DENND1A: variants seen among roughly 807,000 people sequenced by gnomAD.
The protein encoded by DENND1A is DENN domain containing 1A, also known as DENN domain-containing protein 1A.
In DENND1A, 51 loss-of-function variants were observed where a neutral mutation model predicts 113.7. That is an observed-to-expected ratio of 0.45 (90% CI 0.36 to 0.57). DENND1A has a LOEUF of 0.57. Ranked by LOEUF, DENND1A falls within the 20% of genes least tolerant of loss-of-function variation. The pLI is 0.00. For synonymous variants in DENND1A, 565 were observed against 570.8 expected (o/e 0.99, Z 0.14); for missense variants, 1,258 against 1,395.9 (o/e 0.90, Z 1.57).
chr9:123,620,165 G>C (rs2060870643), intron 10 of DENND1A, among the ~76,000 whole-genome samples: 3 of 124,950 alleles, frequency 2.4e-5, no homozygotes. Context: ...AGTGAGCTGA[G>C]ATCGCACCAC....
At chr9:123,794,273 G>C (rs978370592) in intron 2 of DENND1A, among the ~76,000 whole-genome samples, 1 of 152,214 alleles carries the variant, frequency 6.6e-6, no homozygotes, top group Non-Finnish European at 1.5e-5. Context: ...TGAGGGGAAA[G>C]GGGGTGAACA....
chr9:123,915,783 G>A (rs1455014864), intron 1 of DENND1A, among the ~76,000 whole-genome samples: 1 of 152,118 alleles, frequency 6.6e-6, no homozygotes, highest in Non-Finnish European at 1.5e-5. Flanking sequence ...TAGGGTAGAG[G>A]ATTGTTGCTT....
intron 9 of DENND1A, among the ~76,000 whole-genome samples, chr9:123,646,782 G>A (rs1488250826): frequency 1.3e-5 from 2 of 152,116 alleles, no homozygotes; most frequent in Non-Finnish European, 2.9e-5. Context: ...AATCCCCAGT[G>A]CCTATGGCAA....
At chr9:123,721,718 C>T (rs1252964745) in intron 5 of DENND1A, among the ~76,000 whole-genome samples, 1 of 152,234 alleles carries the variant, frequency 6.6e-6, no homozygotes, top group Non-Finnish European at 1.5e-5. Flanking sequence ...TACCAGCTGT[C>T]TTTACCTGCT....
intron 13 of DENND1A, among the ~76,000 whole-genome samples, chr9:123,490,712 T>C (rs1337333080): frequency 3.9e-5 from 6 of 152,236 alleles, no homozygotes; most frequent in African/African-American, 1.2e-4. Context: ...TCATAATGTA[T>C]TTTATTTTAT....
intron 2 of DENND1A, among the ~76,000 whole-genome samples, chr9:123,803,496 A>T (rs1326262219): frequency 6.6e-6 from 1 of 152,126 alleles, no homozygotes; most frequent in Admixed American, 6.6e-5. Flanking sequence ...GAATCAGAAG[A>T]GAACTCCCAC....
At chr9:123,588,637 G>A (rs573169510) in intron 11 of DENND1A, among the ~76,000 whole-genome samples, 3 of 133,700 alleles carry the variant, frequency 2.2e-5, no homozygotes, top group African/African-American at 8.1e-5. Flanking sequence ...AAAAAAAGGG[G>A]GGGGGGGAAG....
At chr9:123,463,992 G>A (rs1200462697) in intron 13 of DENND1A, among the ~76,000 whole-genome samples, 1 of 152,002 alleles carries the variant, frequency 6.6e-6, no homozygotes, top group Non-Finnish European at 1.5e-5. Flanking sequence ...TAGGTGATGG[G>A]TTGATAGGTA....
Position 123,521,771 on chromosome 9 carries a change from G to A in DENND1A, c.993+35799C>T, listed in dbSNP as rs75416327. On this transcript the variant is annotated intron_variant, in intron 13 of 23. Coordinates refer to ENST00000394215, the MANE Select transcript of DENND1A (RefSeq NM_001352964.2). ...GGGATCAGACTGGGATCTAATCCCA[G>A]CCATATACTCACTGGCTGTTACCAT... is the stretch of plus-strand genomic sequence containing the variant. 7.5e-3 allele frequency among the ~76,000 whole-genome samples: 1,148 copies of A among 152,248 alleles called. 18 individuals are homozygous for A. The highest frequency in any genetic ancestry group is 0.026 in the African/African-American group (1,090 of 41,560).
chr9:123,884,997 G>GCGCGCACACACACA (rs370719014), intron 1 of DENND1A, among the ~76,000 whole-genome samples: 12 of 145,836 alleles, frequency 8.2e-5, no homozygotes, highest in African/African-American at 2.8e-4. Flanking sequence ...GAGCGCGCGC[G>GCGCGCACACACACA]CACACACACA....
chr9:123,506,642 CA>C (rs1217094590), intron 13 of DENND1A, among the ~76,000 whole-genome samples: 3 of 146,794 alleles, frequency 2.0e-5, no homozygotes, highest in African/African-American at 7.6e-5. Context: ...AGTGTATCCA[CA>C]TTTATCCTCA....
chr9:123,547,629 A>G (rs1274855215), intron 13 of DENND1A, among the ~76,000 whole-genome samples: 1 of 152,254 alleles, frequency 6.6e-6, no homozygotes, highest in Non-Finnish European at 1.5e-5. Context: ...GGTGGGCAAT[A>G]AAATGAATAA....
chr9:123,848,228 T>TAAAAA (rs375535777), intron 2 of DENND1A, among the ~76,000 whole-genome samples: 26 of 60,510 alleles, frequency 4.3e-4, no homozygotes, highest in East Asian at 5.8e-4. Context: ...GATACTGCTT[T>TAAAAA]AAAAAAAAAA....
intron 5 of DENND1A, among the ~76,000 whole-genome samples, chr9:123,711,486 A>AATATATATATATATATGTATATATGTAT (rs2066587738): frequency 5.9e-5 from 6 of 101,788 alleles, no homozygotes; most frequent in African/African-American, 2.2e-4. Context: ...TAAATTAAAA[A>AATATATATATATATATGTATATATGTAT]ATATATATAT....
chr9:123,572,968 C>A (rs1481047601), intron 12 of DENND1A, among the ~76,000 whole-genome samples: 5 of 152,050 alleles, frequency 3.3e-5, no homozygotes, highest in Non-Finnish European at 7.4e-5. Context: ...CTAATATTTG[C>A]ATGAGGTAAA....
At chr9:123,584,131 C>T (rs2059050813) in intron 11 of DENND1A, among the ~76,000 whole-genome samples, 1 of 152,254 alleles carries the variant, frequency 6.6e-6, no homozygotes, top group South Asian at 2.1e-4. Context: ...AATCCTCCTT[C>T]CCCATCACGT....
rs991331146 is a variant in DENND1A at position 123,571,331 on chromosome 9, A to G, written c.867+11838T>C. Among the ~76,000 whole-genome samples, 110 of 152,356 alleles carry G rather than the reference A, an allele frequency of 7.2e-4. 1 individual carries two copies. Among genetic ancestry groups the G allele is most frequent in the African/African-American group, 2.6e-3 (108 of 41,592 alleles). Reference sequence around the variant, plus strand: ...TCATAACTGATATATAATAGAATGCATACACTTAAAAAGCACAGTCCAGTG... The same window carrying G: ...TCATAACTGATATATAATAGAATGCGTACACTTAAAAAGCACAGTCCAGTG... On this transcript the variant is annotated intron_variant, in intron 12 of 23. Coordinates refer to ENST00000394215, the MANE Select transcript of DENND1A (RefSeq NM_001352964.2).
At chr9:123,927,203 A>G (rs1857270936) in intron 1 of DENND1A, among the ~76,000 whole-genome samples, 1 of 152,228 alleles carries the variant, frequency 6.6e-6, no homozygotes, top group Non-Finnish European at 1.5e-5. Flanking sequence ...CTGATCAAAC[A>G]CGAAATCTCA....
intron 5 of DENND1A, among the ~76,000 whole-genome samples, chr9:123,703,357 G>A (rs1022250106): frequency 1.3e-5 from 2 of 152,128 alleles, no homozygotes; most frequent in African/African-American, 2.4e-5. Flanking sequence ...TGTCAGGGGA[G>A]GATGTACAGT....
Sources: gnomAD v4.1 joint callset for allele counts (sites outside exome capture counted in the v4.1 genomes callset) on GRCh38, gnomAD v4.1.1 for gene constraint, MANE v1.5 for transcripts, NCBI Gene and HGNC (gene_info 2026-07-23, HGNC 2026-07-21) for gene names.